Variants in RHAG observed in about 807,000 individuals in gnomAD.
RHAG encodes the protein Rh associated glycoprotein.
RHAG carries 25 observed loss-of-function variants against 42.4 expected under a neutral mutation model. That is an observed-to-expected ratio of 0.59 (90% CI 0.43 to 0.82). RHAG has a LOEUF of 0.82. Ranked by LOEUF, RHAG falls within the 40% of genes least tolerant of loss-of-function variation. The pLI is 0.00. For missense variants in RHAG, 483 were observed against 504.6 expected (o/e 0.96, Z 0.41); for synonymous variants, 182 against 177.7 (o/e 1.02, Z -0.19).
Position 49,607,172 on chromosome 6 carries a change from T to A in RHAG, c.1116A>T (p.Ala372=), listed in dbSNP as rs1762486426. The A allele has an allele frequency of 6.2e-7, 1 of 1,613,656 alleles. No individual in the cohort carries two copies. Among genetic ancestry groups the A allele is most frequent in the Admixed American group, 1.7e-5 (1 of 59,944 alleles). ...GACCTGTCATCAGACCTCCAACAAC[T>A]GCTGTTCCGATAGAGGAACCCAGTG... The part of the protein sequence containing the change: ...AAALGSSIGT[A]VVGGLMTGLI... Residue 372 remains alanine, a synonymous_variant, in exon 8 of 10, where the codon GCA becomes GCT. Coordinates refer to ENST00000371175, the MANE Select transcript of RHAG (RefSeq NM_000324.3).
chr6:49,627,915 T>C (rs1051731731), intron 1 of RHAG, among the ~76,000 whole-genome samples: 2 of 152,096 alleles, frequency 1.3e-5, no homozygotes, highest in African/African-American at 4.8e-5. Flanking sequence ...GGAACTACAA[T>C]TCAAGATGAG....
intron 3 of RHAG, 81 bp downstream of exon 3, chr6:49,617,987 A>T: frequency 7.8e-7 from 1 of 1,287,618 alleles, no homozygotes; most frequent in Admixed American, 1.8e-5. Context: ...ATTTGCTCCC[A>T]TATACCGTAG....
At chr6:49,635,950 G>A (rs1403838439) in intron 1 of RHAG, among the ~76,000 whole-genome samples, 1 of 152,096 alleles carries the variant, frequency 6.6e-6, no homozygotes, top group Non-Finnish European at 1.5e-5. Context: ...GGTAATGGAT[G>A]TGTTGGTTTA....
At position 49,618,086 on chromosome 6, in the gene RHAG, C is replaced by G; in HGVS notation, c.474G>C (p.Leu158=). The G allele has an allele frequency of 6.2e-7, 1 of 1,613,858 alleles. No individual in the cohort carries two copies. The highest frequency in any genetic ancestry group is 8.5e-7 in the Non-Finnish European group (1 of 1,179,816). Residue 158 remains leucine (L), a synonymous_variant, in exon 3 of 10, where the codon CTG becomes CTC. Coordinates refer to ENST00000371175, the MANE Select transcript of RHAG (RefSeq NM_000324.3). ...EIVFFAHNEY[L]VSEIFKASDI... is the part of the protein sequence containing the mutation. ...CTCTTACCTTAAATATTTCACTAAC[C>G]AGGTATTCATTGTGGGCAAAGAAAA...
chr6:49,621,147 G>A (rs1256454312), intron 1 of RHAG, among the ~76,000 whole-genome samples: 1 of 152,144 alleles, frequency 6.6e-6, no homozygotes, highest in East Asian at 1.9e-4. Context: ...TTGAGGGTAA[G>A]AGACTGTGGT....
chr6:49,605,767 G>A lies in RHAG; in HGVS notation c.*46C>T, dbSNP rs1395121152. The stretch of plus-strand genomic sequence containing the variant: ...AGCAGGAATGGTGTTTAGACTTCAG[G>A]TTCCAGCTGGCTGTGGTCACCATGT... On this transcript the variant is annotated 3_prime_UTR_variant, in exon 10 of 10. Coordinates refer to ENST00000371175, the MANE Select transcript of RHAG (RefSeq NM_000324.3). 6.3e-7 allele frequency: 1 copy of A among 1,581,194 alleles called. No homozygotes were observed. Among genetic ancestry groups the A allele is most frequent in the South Asian group, 1.1e-5 (1 of 90,434 alleles).
chr6:49,614,615 T>A, intron 5 of RHAG, 72 bp downstream of exon 5: 1 of 1,283,836 alleles, frequency 7.8e-7, no homozygotes, highest in Non-Finnish European at 1.1e-6. Context: ...ATGCAGAAAT[T>A]ACCTACTACT....
At chr6:49,632,635 G>A (rs9463526) in intron 1 of RHAG, among the ~76,000 whole-genome samples, 33,004 of 151,984 alleles carry the variant, frequency 0.22, 3,812 homozygotes, top group African/African-American at 0.29. Context: ...GTATTACAGT[G>A]TGACACATGA....
At chr6:49,633,632 T>G (rs1260004299) in intron 1 of RHAG, among the ~76,000 whole-genome samples, 1 of 152,148 alleles carries the variant, frequency 6.6e-6, no homozygotes, top group Non-Finnish European at 1.5e-5. Context: ...ATGGACAGCA[T>G]TTTGAGTGAA....
chr6:49,615,909 AAG>A (rs1762644701), intron 3 of RHAG, 138 bp from the exon 4 acceptor site: 1 of 847,704 alleles, frequency 1.2e-6, no homozygotes, highest in Non-Finnish European at 1.9e-6. Flanking sequence ...GTGTCAGAGA[AAG>A]GGGGGTAAAA....
chr6:49,605,995 C>T (rs1436797831), intron 9 of RHAG, among the ~76,000 whole-genome samples, 165 bp from the exon 10 acceptor site: 1 of 152,140 alleles, frequency 6.6e-6, no homozygotes, highest in Admixed American at 6.5e-5. Flanking sequence ...AAACATTTAT[C>T]TCACCCACCC....
chr6:49,612,269 A>C, intron 6 of RHAG, 128 bp downstream of exon 6: 1 of 1,034,270 alleles, frequency 9.7e-7, no homozygotes, highest in East Asian at 2.4e-5. Flanking sequence ...ATTTCCAAAA[A>C]GAAGGCAAAT....
intron 1 of RHAG, among the ~76,000 whole-genome samples, chr6:49,621,027 G>A (rs910982361): frequency 3.1e-4 from 47 of 152,112 alleles, no homozygotes; most frequent in African/African-American, 1.1e-3. Flanking sequence ...AGCACTGTAG[G>A]GGTATAAAAT....
rs756403635 is a variant in RHAG at position 49,611,007 on chromosome 6, C to T, written c.1067+17G>A. ...TCATGGGACCACAGGGGCTGAAAAACCCATTCTTTTACTCACGTGTTGGAG... is the reference window on the plus strand; with the variant it reads ...TCATGGGACCACAGGGGCTGAAAAATCCATTCTTTTACTCACGTGTTGGAG... On this transcript the variant is annotated intron_variant, in intron 7 of 9. Coordinates refer to ENST00000371175, the MANE Select transcript of RHAG (RefSeq NM_000324.3). 4.3e-5 allele frequency: 70 copies of T among 1,613,686 alleles called. No individual in the cohort carries two copies. The highest frequency in any genetic ancestry group is 3.6e-5 in the Non-Finnish European group (43 of 1,179,692).
chr6:49,635,086 A>G lies in RHAG; in HGVS notation c.157+1570T>C, dbSNP rs575007807. ...AAATATCCATACGGTATTGTTAACT[A>G]TCATCATTATGTTGCACACTAGATG... On this transcript the variant is annotated intron_variant, in intron 1 of 9. Coordinates refer to ENST00000371175, the MANE Select transcript of RHAG (RefSeq NM_000324.3). Among the ~76,000 whole-genome samples the G allele has an allele frequency of 7.8e-4, 118 of 150,964 alleles. 1 individual carries two copies. The highest frequency in any genetic ancestry group is 7.6e-3 in the Admixed American group (114 of 14,968).
chr6:49,606,855 T>C lies in RHAG; in HGVS notation c.1205A>G (p.Tyr402Cys), dbSNP rs757238588. ...SDQNCYDDSV[Y>C]WKVPKTR ...TAGAATACTGTACAGTACCTTCCAA[T>C]AAACAGAATCATCATAGCAGTTCTG... The change falls in exon 9 of 10, where the codon TAT (tyrosine) becomes TGT (cysteine). Residue 402 changes from tyrosine to cysteine, a missense_variant. By Grantham distance (194) the Tyr-to-Cys change is radical. Coordinates refer to ENST00000371175, the MANE Select transcript of RHAG (RefSeq NM_000324.3). 56 of 1,602,966 alleles carry C rather than the reference T, an allele frequency of 3.5e-5. 1 individual carries two copies. In the South Asian group the frequency reaches 4.7e-4, roughly 14 times the overall value.
intron 1 of RHAG, among the ~76,000 whole-genome samples, chr6:49,631,129 T>G (rs1392779205): frequency 6.6e-6 from 1 of 152,188 alleles, no homozygotes; most frequent in Non-Finnish European, 1.5e-5. Context: ...TAATTTGTTT[T>G]TCCTATTACT....
chr6:49,633,405 T>G lies in RHAG; in HGVS notation c.157+3251A>C, dbSNP rs190002150. The stretch of plus-strand genomic sequence containing the variant: ...TTCTCCATTAACTTATACCATTACA[T>G]AAACTTTGTGTAAGTCAATTATTTG... On this transcript the variant is annotated intron_variant, in intron 1 of 9. Transcript: ENST00000371175. Among the ~76,000 whole-genome samples, 272 of 152,304 alleles carry G rather than the reference T, an allele frequency of 1.8e-3. 3 individuals are homozygous for G. Among genetic ancestry groups the G allele is most frequent in the Non-Finnish European group, 1.8e-3 (121 of 68,008 alleles).
intron 6 of RHAG, among the ~76,000 whole-genome samples, chr6:49,611,996 G>A (rs1385597009): frequency 6.6e-6 from 1 of 151,754 alleles, no homozygotes; most frequent in East Asian, 1.9e-4. Context: ...TGATCTGCCT[G>A]CCTCAGCCTC....
Sources: gnomAD v4.1 joint callset for allele counts (sites outside exome capture counted in the v4.1 genomes callset) on GRCh38, gnomAD v4.1.1 for gene constraint, MANE v1.5 for transcripts, NCBI Gene and HGNC (gene_info 2026-07-23, HGNC 2026-07-21) for gene names.